The following SLC12A9 variants were observed in gnomAD, a reference collection of about 807,000 sequenced individuals.
SLC12A9 encodes solute carrier family 12 member 9.
In SLC12A9, 55 loss-of-function variants were observed where a neutral mutation model predicts 66.0. That is an observed-to-expected ratio of 0.83 (90% CI 0.67 to 1.04). The LOEUF (loss-of-function observed/expected upper bound fraction) is 1.04, where lower values mean the gene tolerates loss of function less well. SLC12A9 is among the 50% of genes least tolerant of loss of function. The pLI is 0.00. For missense variants in SLC12A9, 1,061 were observed against 1,241.9 expected (o/e 0.85, Z 2.19); for synonymous variants, 577 against 569.0 (o/e 1.01, Z -0.20).
At chr7:100,853,662 A>G (rs1814210757) in intron 1 of SLC12A9, among the ~76,000 whole-genome samples, 1 of 149,080 alleles carries the variant, frequency 6.7e-6, no homozygotes, top group Non-Finnish European at 1.5e-5. Flanking sequence ...CCAGGACTCA[A>G]GCGATTCTCG....
chr7:100,865,721 G>C lies in SLC12A9; in HGVS notation c.1861G>C (p.Gly621Arg). ...QHLLRISGLG[G>R]MKPNTLVLGF... ...TGCCTTCCCCGCTCTGCCCCCAGGTGGCATGAAGCCCAACACGTTGGTCCT... is the reference window on the plus strand; with the variant it reads ...TGCCTTCCCCGCTCTGCCCCCAGGTCGCATGAAGCCCAACACGTTGGTCCT... The change falls in exon 14 of 14, where the codon GGC (glycine) becomes CGC (arginine). Residue 621 changes from glycine (G) to arginine (R), a missense_variant and splice_region_variant. Physicochemically the swap from Gly to Arg is moderately radical, Grantham distance 125 (BLOSUM62 -2). Transcript: ENST00000354161. The C allele has an allele frequency of 6.2e-7, 1 of 1,605,272 alleles. No individual in the cohort carries two copies. The highest frequency in any genetic ancestry group is 1.3e-5 in the African/African-American group (1 of 74,824).
chr7:100,841,742 G>A (rs1813795811), intron 1 of SLC12A9, among the ~76,000 whole-genome samples: 1 of 151,794 alleles, frequency 6.6e-6, no homozygotes, highest in African/African-American at 2.4e-5. Context: ...TAGCTTATCT[G>A]GTATGAAAAT....
At chr7:100,864,774 G>A (rs762906516) in intron 13 of SLC12A9, among the ~76,000 whole-genome samples, 3 of 152,176 alleles carry the variant, frequency 2.0e-5, no homozygotes, top group Middle Eastern at 3.4e-3. Flanking sequence ...AAAAAGAGGA[G>A]ACTAAATATT....
At chr7:100,851,570 C>A (rs1038898453), upstream of SLC12A9, among the ~76,000 whole-genome samples, 1 of 151,532 alleles carries the variant, frequency 6.6e-6, no homozygotes, top group Non-Finnish European at 1.5e-5. Flanking sequence ...ACTGCAGGCG[C>A]ATGCTTGAGT....
At chr7:100,844,743 A>C (rs1813869318) in intron 1 of SLC12A9, among the ~76,000 whole-genome samples, 1 of 152,146 alleles carries the variant, frequency 6.6e-6, no homozygotes, top group Admixed American at 6.6e-5. Flanking sequence ...AAAAAAGAGG[A>C]GCGTGTGACC....
At position 100,861,745 on chromosome 7, in the gene SLC12A9, G is replaced by A. The variant is rs761093092; in HGVS notation, c.1545G>A (p.Lys515=). ...SQALLFHQVR[K]YLLRLDVRKD... is the part of the protein sequence containing the mutation. ...CTCACCCCTATACCCAGGTGCGTAA[G>A]TATCTGCTTCGGCTGGACGTCCGGA... Residue 515 remains lysine, a synonymous_variant, in exon 12 of 14, where the codon AAG becomes AAA. Coordinates refer to ENST00000354161, the MANE Select transcript of SLC12A9 (RefSeq NM_020246.4). This position sits in a 1 kb window ranked among gnomAD's most constrained non-coding sequence, Gnocchi z 5.3. The A allele has an allele frequency of 1.1e-5, 17 of 1,614,166 alleles. No individual in the cohort carries two copies. Among genetic ancestry groups the A allele is most frequent in the Admixed American group, 6.7e-5 (4 of 60,020 alleles).
intron 1 of SLC12A9, among the ~76,000 whole-genome samples, chr7:100,839,390 G>GC (rs1813734002): frequency 1.3e-5 from 2 of 152,010 alleles, no homozygotes; most frequent in African/African-American, 4.8e-5. Flanking sequence ...TCTTGCTGAT[G>GC]CCCCTGGCCG....
intron 5 of SLC12A9, chr7:100,858,279 G>A (rs1814518665): frequency 6.6e-6 from 1 of 152,390 alleles, no homozygotes; most frequent in Non-Finnish European, 1.5e-5. Context: ...AGGCGTGGTG[G>A]CGGGCACCTG....
intron 7 of SLC12A9, chr7:100,859,362 G>A (rs757087050): frequency 6.0e-5 from 36 of 595,956 alleles, no homozygotes; most frequent in Non-Finnish European, 9.6e-5. Context: ...AGTGAGGGTG[G>A]GTAGTGGCTT....
At position 100,861,445 on chromosome 7, in the gene SLC12A9, G is replaced by A. The variant is rs1814745530; in HGVS notation, c.1397G>A (p.Cys466Tyr). 1.2e-6 allele frequency: 2 copies of A among 1,613,690 alleles called. No homozygotes were observed. The highest frequency in any genetic ancestry group is 1.7e-6 in the Non-Finnish European group (2 of 1,180,030). ...ACCTGCCTGCTGGGGGTGGCCTCCT[G>A]CCTGCTCATGATGTTCCTCATCAGT... is the stretch of plus-strand genomic sequence containing the variant. ...WHTCLLGVAS[C>Y]LLMMFLISPG... is the part of the protein sequence containing the mutation. The change falls in exon 11 of 14, where the codon TGC (cysteine) becomes TAC (tyrosine). Residue 466 changes from cysteine to tyrosine, a missense_variant. Transcript: ENST00000354161. This position sits in a 1 kb window ranked among gnomAD's most constrained non-coding sequence, Gnocchi z 5.3.
Position 100,833,528 on chromosome 7 carries a change from A to G in SLC12A9, n.228+6481A>G, listed in dbSNP as rs552113641. On this transcript the variant is annotated intron_variant and non_coding_transcript_variant, in intron 1 of 1. Transcript: ENST00000461016. Reference sequence around the variant, plus strand: ...CAAAACAAAACAAAAAAAAACAGACAAGGTATGGTGGCTCATGCCTGTAAT... The same window carrying G: ...CAAAACAAAACAAAAAAAAACAGACGAGGTATGGTGGCTCATGCCTGTAAT... Among the ~76,000 whole-genome samples, 6 of 146,614 alleles carry G rather than the reference A, an allele frequency of 4.1e-5. No homozygotes were observed. In the East Asian group the frequency reaches 8.3e-4, roughly 20 times the overall value.
chr7:100,834,658 G>T (rs1018452774), intron 1 of SLC12A9, among the ~76,000 whole-genome samples: 12 of 152,106 alleles, frequency 7.9e-5, no homozygotes, highest in Non-Finnish European at 1.3e-4. Flanking sequence ...GCAGCTGGCA[G>T]ATCACTTGAG....
intron 12 of SLC12A9, 99 bp from the exon 13 acceptor site, chr7:100,862,582 G>A (rs1584707256): frequency 7.1e-7 from 1 of 1,412,334 alleles, no homozygotes; most frequent in East Asian, 2.3e-5. Flanking sequence ...ACCCCTCCAA[G>A]TAGCCATAGC....
chr7:100,847,473 C>T lies in SLC12A9; in HGVS notation n.229-12412C>T, dbSNP rs140272088. Among the ~76,000 whole-genome samples the T allele has an allele frequency of 3.2e-3, 484 of 152,298 alleles. 1 individual carries two copies. Among genetic ancestry groups the T allele is most frequent in the Admixed American group, 5.3e-3 (81 of 15,290 alleles). Reference sequence around the variant, plus strand: ...CATCGGGAATGGATGTTTACCTAAACAGCACCCCTCTAGCTGCTCAGCTGA... The same window carrying T: ...CATCGGGAATGGATGTTTACCTAAATAGCACCCCTCTAGCTGCTCAGCTGA... On this transcript the variant is annotated intron_variant and non_coding_transcript_variant, in intron 1 of 1. Transcript: ENST00000461016.
At chr7:100,862,947 G>A in intron 13 of SLC12A9, 120 bp downstream of exon 13, 1 of 1,250,306 alleles carries the variant, frequency 8.0e-7, no homozygotes, top group Non-Finnish European at 1.1e-6. Flanking sequence ...ATAGTCGAGA[G>A]GAGATAAGAC....
At chr7:100,837,851 ATTTTTTTTTTTTTT>A (rs11285489) in intron 1 of SLC12A9, among the ~76,000 whole-genome samples, 1 of 79,654 alleles carries the variant, frequency 1.3e-5, no homozygotes, top group African/African-American at 5.5e-5. Flanking sequence ...ATTTATTTCA[ATTTTTTTTTTTTTT>A]TTTTTTTTTT....
chr7:100,841,970 T>G (rs1426534594), intron 1 of SLC12A9, among the ~76,000 whole-genome samples: 1 of 152,144 alleles, frequency 6.6e-6, no homozygotes, highest in Non-Finnish European at 1.5e-5. Context: ...TAAAAGTCTT[T>G]TAGCACATGT....
At chr7:100,836,124 T>A (rs955991562) in intron 1 of SLC12A9, among the ~76,000 whole-genome samples, 9 of 152,210 alleles carry the variant, frequency 5.9e-5, no homozygotes, top group Non-Finnish European at 8.8e-5. Flanking sequence ...CCCACTGGAC[T>A]GCACTGTGGC....
intron 13 of SLC12A9, among the ~76,000 whole-genome samples, chr7:100,864,789 A>G (rs191090183): frequency 6.6e-5 from 10 of 152,158 alleles, no homozygotes; most frequent in Non-Finnish European, 1.5e-4. Context: ...AATATTACCT[A>G]CCTCATAGCA....
Sources: allele counts gnomAD v4.1 joint callset (sites outside exome capture counted in the v4.1 genomes callset), GRCh38; gene constraint gnomAD v4.1.1; non-coding constraint Gnocchi (gnomAD v3.1); transcripts MANE v1.5; gene names NCBI Gene and HGNC (gene_info 2026-07-23, HGNC 2026-07-21).